FHOD3: variants seen among roughly 807,000 people sequenced by gnomAD.
FHOD3 encodes FH1/FH2 domain-containing protein 3.
Under a neutral mutation model 173.0 loss-of-function variants are expected in FHOD3, and 90 were observed. That is an observed-to-expected ratio of 0.52 (90% CI 0.44 to 0.62). The LOEUF is 0.62. Among genes scored for constraint, FHOD3 ranks in the 20% least tolerant of loss-of-function variants. FHOD3 has a pLI of 0.00. For missense variants in FHOD3, 1,945 were observed against 2,034.7 expected (o/e 0.96, Z 0.85); for synonymous variants, 828 against 823.0 (o/e 1.01, Z -0.10).
intron 7 of FHOD3, 135 bp downstream of exon 7, chr18:36,595,033 G>GT (rs991427100): frequency 1.5e-5 from 9 of 600,170 alleles, no homozygotes; most frequent in Non-Finnish European, 2.6e-5. Context: ...TGCAAGAAAC[G>GT]TTTTTTAGGA....
intron 3 of FHOD3, among the ~76,000 whole-genome samples, chr18:36,377,253 C>G (rs1159113029): frequency 6.6e-6 from 1 of 152,212 alleles, no homozygotes; most frequent in East Asian, 1.9e-4. Context: ...CATGACTTCT[C>G]TCCCACTTCA....
At chr18:36,352,688 CT>C (rs1251316175) in intron 1 of FHOD3, among the ~76,000 whole-genome samples, 1 of 152,192 alleles carries the variant, frequency 6.6e-6, no homozygotes, top group Non-Finnish European at 1.5e-5. Context: ...GTGCTTCTCT[CT>C]TTAGGCTCAT....
chr18:36,441,555 G>C (rs1250860563), intron 3 of FHOD3, among the ~76,000 whole-genome samples: 1 of 152,200 alleles, frequency 6.6e-6, no homozygotes, highest in East Asian at 1.9e-4. Context: ...CTCTGTGGCT[G>C]TTGTAGTGGG....
At chr18:36,700,863 G>A (rs2039546373) in intron 17 of FHOD3, among the ~76,000 whole-genome samples, 1 of 152,126 alleles carries the variant, frequency 6.6e-6, no homozygotes, top group Non-Finnish European at 1.5e-5. Flanking sequence ...CTCTGTGCTT[G>A]GAGTGCACTC....
intron 1 of FHOD3, among the ~76,000 whole-genome samples, chr18:36,307,991 G>C (rs1040728110): frequency 9.2e-5 from 14 of 152,176 alleles, no homozygotes; most frequent in African/African-American, 3.4e-4. Flanking sequence ...TTTAATGACA[G>C]TTAGGTAATC....
At chr18:36,299,642 G>A (rs1019441948) in intron 1 of FHOD3, among the ~76,000 whole-genome samples, 2 of 152,164 alleles carry the variant, frequency 1.3e-5, no homozygotes, top group Non-Finnish European at 2.9e-5. Context: ...TCCTGGTCTG[G>A]TAGGAGAAAA....
intron 5 of FHOD3, among the ~76,000 whole-genome samples, chr18:36,533,056 C>T (rs1053029043): frequency 6.6e-6 from 1 of 152,114 alleles, no homozygotes; most frequent in South Asian, 2.1e-4. Context: ...GCCCTCTGCA[C>T]AATATTATGC....
chr18:36,499,159 G>A (rs901612513), intron 3 of FHOD3, among the ~76,000 whole-genome samples: 2 of 151,982 alleles, frequency 1.3e-5, no homozygotes, highest in African/African-American at 2.4e-5. Flanking sequence ...GCTGGAGTGC[G>A]GTGACATGAT....
chr18:36,707,623 G>T (rs1421010627), intron 17 of FHOD3, among the ~76,000 whole-genome samples: 1 of 152,196 alleles, frequency 6.6e-6, no homozygotes, highest in African/African-American at 2.4e-5. Flanking sequence ...GGAAGCTGGG[G>T]TTAGCTGGGC....
chr18:36,773,486 C>A (rs537992954), intron 28 of FHOD3, among the ~76,000 whole-genome samples: 11 of 152,350 alleles, frequency 7.2e-5, no homozygotes, highest in African/African-American at 2.2e-4. Flanking sequence ...CTCAGGAATG[C>A]ACACATGCCC....
At chr18:36,514,654 A>T (rs1378045278) in intron 5 of FHOD3, among the ~76,000 whole-genome samples, 1 of 152,236 alleles carries the variant, frequency 6.6e-6, no homozygotes, top group African/African-American at 2.4e-5. Context: ...ACACACAGAG[A>T]CACACCTCTA....
chr18:36,351,016 T>C (rs1212853463), intron 1 of FHOD3, among the ~76,000 whole-genome samples: 2 of 152,152 alleles, frequency 1.3e-5, no homozygotes, highest in Non-Finnish European at 2.9e-5. Flanking sequence ...CATGTGATGG[T>C]TTAAATATTA....
At chr18:36,410,946 C>A (rs1344615067) in intron 3 of FHOD3, among the ~76,000 whole-genome samples, 2 of 151,940 alleles carry the variant, frequency 1.3e-5, no homozygotes, top group African/African-American at 4.8e-5. Flanking sequence ...ATATTTTCTC[C>A]CATTCTGTGG....
chr18:36,308,603 G>A (rs1018128894), intron 1 of FHOD3, among the ~76,000 whole-genome samples: 4 of 152,064 alleles, frequency 2.6e-5, no homozygotes, highest in East Asian at 3.9e-4. Context: ...AGACACACCC[G>A]GGCTGTGCAC....
intron 3 of FHOD3, among the ~76,000 whole-genome samples, chr18:36,427,666 T>G (rs1032164566): frequency 6.6e-6 from 1 of 152,204 alleles, no homozygotes; most frequent in African/African-American, 2.4e-5. Context: ...CCAAATGGCT[T>G]AAGGGTTCTT....
At chr18:36,589,633 G>T (rs995098856) in intron 6 of FHOD3, among the ~76,000 whole-genome samples, 2 of 152,192 alleles carry the variant, frequency 1.3e-5, no homozygotes, top group Non-Finnish European at 2.9e-5. Flanking sequence ...ACCTTACATG[G>T]GGTCAGCCAG....
At chr18:36,431,093 G>C (rs550939275) in intron 3 of FHOD3, among the ~76,000 whole-genome samples, 1 of 152,276 alleles carries the variant, frequency 6.6e-6, no homozygotes, top group African/African-American at 2.4e-5. Flanking sequence ...AACTAAAAAG[G>C]CTAAACGTAA....
intron 10 of FHOD3, among the ~76,000 whole-genome samples, chr18:36,626,871 C>A (rs761962353): frequency 1.3e-5 from 2 of 152,130 alleles, no homozygotes; most frequent in Non-Finnish European, 2.9e-5. Flanking sequence ...CAATCTGATA[C>A]CCATGGAATC....
At chr18:36,330,871 C>T (rs138991330) in intron 1 of FHOD3, among the ~76,000 whole-genome samples, 4 of 141,546 alleles carry the variant, frequency 2.8e-5, no homozygotes, top group Non-Finnish European at 4.6e-5. Context: ...AGTGAGTGAG[C>T]AAGCATGGCA....
Sources: gnomAD v4.1 joint callset for allele counts (sites outside exome capture counted in the v4.1 genomes callset) on GRCh38, gnomAD v4.1.1 for gene constraint, MANE v1.5 for transcripts, NCBI Gene and HGNC (gene_info 2026-07-23, HGNC 2026-07-21) for gene names.